The following ELP3 variants were observed in gnomAD, a reference collection of about 807,000 sequenced individuals.
ELP3 encodes elongator acetyltransferase complex subunit 3.
Under a neutral mutation model 74.9 loss-of-function variants are expected in ELP3, and 56 were observed. That is an observed-to-expected ratio of 0.75 (90% CI 0.60 to 0.93). The LOEUF (loss-of-function observed/expected upper bound fraction) is 0.93. Ranked by LOEUF, ELP3 falls within the 40% of genes least tolerant of loss-of-function variation. ELP3 has a pLI of 0.00. For synonymous variants in ELP3, 222 were observed against 239.8 expected (o/e 0.93, Z 0.68); for missense variants, 573 against 686.5 (o/e 0.83, Z 1.85).
intron 8 of ELP3, among the ~76,000 whole-genome samples, chr8:28,130,299 G>A (rs138687434): frequency 6.6e-6 from 1 of 152,194 alleles, no homozygotes; most frequent in Non-Finnish European, 1.5e-5. Context: ...ATGATTGACC[G>A]AGAATTCTAA....
At chr8:28,112,459 C>A (rs1811956621) in intron 6 of ELP3, 1 of 152,116 alleles carries the variant, frequency 6.6e-6, no homozygotes. Context: ...ATCAGACTTT[C>A]ACTTTTTTTT....
intron 14 of ELP3, among the ~76,000 whole-genome samples, chr8:28,182,900 C>T (rs575070589): frequency 3.3e-5 from 5 of 152,174 alleles, no homozygotes; most frequent in Non-Finnish European, 7.3e-5. Flanking sequence ...ATGCTGTACC[C>T]CTGGGTCTCC....
intron 1 of ELP3, 56 bp downstream of exon 1, chr8:28,093,289 AG>A (rs1372180674): frequency 1.4e-5 from 23 of 1,604,766 alleles, no homozygotes; most frequent in Admixed American, 5.2e-5. Context: ...GCGAACGCCC[AG>A]GCAATCAAAT....
intron 9 of ELP3, among the ~76,000 whole-genome samples, chr8:28,135,611 A>G (rs1812955975): frequency 1.3e-5 from 2 of 152,126 alleles, no homozygotes; most frequent in South Asian, 2.1e-4. Flanking sequence ...TTCTCCAGGG[A>G]CTAAATGTTC....
chr8:28,103,507 G>A lies in ELP3; in HGVS notation c.259-3206G>A, dbSNP rs1223417242. ...CCAATTTTTGGCAGTTTTAAACAAA[G>A]CTCTGTGAAGGTTATTGTGTCCACC... On this transcript the variant is annotated intron_variant, in intron 3 of 14. Coordinates refer to ENST00000256398, the MANE Select transcript of ELP3 (RefSeq NM_018091.6). 2.6e-5 allele frequency among the ~76,000 whole-genome samples: 4 copies of A among 152,152 alleles called. No individual in the cohort carries two copies. In the East Asian group the frequency reaches 7.7e-4, roughly 29 times the overall value.
At chr8:28,110,507 G>C (rs900193801) in intron 6 of ELP3, 69 bp downstream of exon 6, 2 of 1,257,228 alleles carry the variant, frequency 1.6e-6, no homozygotes, top group Non-Finnish European at 2.3e-6. Flanking sequence ...ATTGTTGCTT[G>C]ATTCAAATTG....
chr8:28,115,400 A>G (rs1367689378), intron 7 of ELP3, among the ~76,000 whole-genome samples: 1 of 152,204 alleles, frequency 6.6e-6, no homozygotes. Context: ...GTGTTCATGC[A>G]CATACACACA....
intron 8 of ELP3, among the ~76,000 whole-genome samples, chr8:28,130,442 C>G (rs1420249099): frequency 6.6e-6 from 1 of 152,122 alleles, no homozygotes; most frequent in Non-Finnish European, 1.5e-5. Flanking sequence ...AAGCACTGAT[C>G]AGCATCTTAG....
intron 10 of ELP3, among the ~76,000 whole-genome samples, chr8:28,152,055 C>G (rs915546186): frequency 6.6e-6 from 1 of 152,164 alleles, no homozygotes; most frequent in Non-Finnish European, 1.5e-5. Context: ...AGTCTCTGCT[C>G]TGTTAAGCCA....
intron 7 of ELP3, among the ~76,000 whole-genome samples, chr8:28,117,467 G>A (rs1357607926): frequency 2.6e-5 from 4 of 152,146 alleles, no homozygotes; most frequent in Non-Finnish European, 5.9e-5. Context: ...TCCTCTTTCA[G>A]TAATATTCTA....
At chr8:28,133,626 A>G (rs981924811) in intron 9 of ELP3, among the ~76,000 whole-genome samples, 6 of 152,172 alleles carry the variant, frequency 3.9e-5, no homozygotes, top group Admixed American at 3.3e-4. Flanking sequence ...GTGTTTTAAG[A>G]TGATGACGAT....
chr8:28,146,345 A>G (rs6999490), intron 10 of ELP3, among the ~76,000 whole-genome samples: 62,407 of 152,010 alleles, frequency 0.41, 14,428 homozygotes, highest in East Asian at 0.65. Flanking sequence ...TAGGAATACC[A>G]ATTCACAACC....
chr8:28,144,765 G>A (rs954206154), intron 10 of ELP3, among the ~76,000 whole-genome samples: 21 of 152,200 alleles, frequency 1.4e-4, no homozygotes, highest in African/African-American at 4.8e-4. Context: ...CAGGCTGGGC[G>A]TGGTGGCTCA....
intron 10 of ELP3, among the ~76,000 whole-genome samples, chr8:28,143,809 C>G (rs1813333072): frequency 6.6e-6 from 1 of 152,136 alleles, no homozygotes; most frequent in Non-Finnish European, 1.5e-5. Flanking sequence ...GGTAAAGGGT[C>G]TAAGCATCTT....
chr8:28,170,551 G>A (rs1005467647), intron 14 of ELP3, among the ~76,000 whole-genome samples: 2 of 152,068 alleles, frequency 1.3e-5, no homozygotes, highest in African/African-American at 2.4e-5. Flanking sequence ...TTAGGTGCGC[G>A]TGCTGGCCAT....
chr8:28,099,578 C>T (rs535739144), intron 2 of ELP3, among the ~76,000 whole-genome samples: 12 of 152,322 alleles, frequency 7.9e-5, no homozygotes, highest in African/African-American at 2.4e-4. Flanking sequence ...ATTGTGTCAT[C>T]GTCCAGGGAC....
chr8:28,122,635 G>C (rs988163872), intron 7 of ELP3, among the ~76,000 whole-genome samples: 5 of 152,248 alleles, frequency 3.3e-5, no homozygotes, highest in Middle Eastern at 3.4e-3. Context: ...GATCACCCCT[G>C]TTTCAACCCT....
intron 14 of ELP3, among the ~76,000 whole-genome samples, chr8:28,183,506 C>T (rs1339063960): frequency 6.6e-6 from 1 of 152,198 alleles, no homozygotes; most frequent in Non-Finnish European, 1.5e-5. Context: ...TCACTGCAAC[C>T]TCTGCCTCCT....
intron 3 of ELP3, among the ~76,000 whole-genome samples, chr8:28,104,171 T>G (rs1811597266): frequency 6.6e-6 from 1 of 152,254 alleles, no homozygotes; most frequent in Non-Finnish European, 1.5e-5. Context: ...AGATATCTAG[T>G]CACATCTTTT....
Sources: gnomAD v4.1 joint callset for allele counts (sites outside exome capture counted in the v4.1 genomes callset) on GRCh38, gnomAD v4.1.1 for gene constraint, MANE v1.5 for transcripts, NCBI Gene and HGNC (gene_info 2026-07-23, HGNC 2026-07-21) for gene names.